CCDC102B: variants seen among roughly 807,000 people sequenced by gnomAD.
CCDC102B encodes the protein coiled-coil domain-containing protein 102B.
CCDC102B carries 75 observed loss-of-function variants against 57.4 expected under a neutral mutation model. The ratio of observed to expected loss-of-function variants is 1.31; its 90% confidence interval spans 1.08 to 1.58. The LOEUF is 1.58. Among genes scored for constraint, CCDC102B ranks in the 40% most tolerant of loss-of-function variants. The pLI, the probability that CCDC102B is intolerant of heterozygous loss-of-function variation, is 0.00. For synonymous variants in CCDC102B, 206 were observed against 201.9 expected, an observed-to-expected ratio of 1.02 and a Z score of -0.17; for missense variants, 636 against 582.6, an observed-to-expected ratio of 1.09 and a Z score of -0.94.
At chr18:68,789,622 T>A (rs879550345) in intron 2 of CCDC102B, among the ~76,000 whole-genome samples, 5 of 146,242 alleles carry the variant, frequency 3.4e-5, no homozygotes, top group African/African-American at 1.3e-4. Context: ...TTGATCGCAT[T>A]GGCTCCTGAG....
upstream of CCDC102B, among the ~76,000 whole-genome samples, chr18:68,797,303 TTTTGCTAC>T (rs2035664406): frequency 6.6e-6 from 1 of 152,152 alleles, no homozygotes; most frequent in Non-Finnish European, 1.5e-5. Context: ...AATGTTGTTT[TTTTGCTAC>T]TTAAAAGGAG....
At chr18:68,881,779 A>G (rs1599627840) in intron 5 of CCDC102B, among the ~76,000 whole-genome samples, 1 of 152,006 alleles carries the variant, frequency 6.6e-6, no homozygotes, top group South Asian at 2.1e-4. Context: ...CTTATAATTT[A>G]TCTCTCCCAT....
intron 7 of CCDC102B, among the ~76,000 whole-genome samples, chr18:69,026,575 A>T (rs2051999922): frequency 6.7e-6 from 1 of 150,122 alleles, no homozygotes; most frequent in Non-Finnish European, 1.5e-5. Context: ...GAGGATCAAC[A>T]AAAGCCCAGA....
chr18:68,920,500 A>G (rs145675107), intron 6 of CCDC102B, among the ~76,000 whole-genome samples: 2,747 of 152,268 alleles, frequency 0.018, 34 homozygotes, highest in African/African-American at 0.027. Flanking sequence ...ACTGGGAAGA[A>G]AAAGACGTTT....
chr18:68,901,691 C>CA (rs2040459774), intron 6 of CCDC102B, among the ~76,000 whole-genome samples: 1 of 152,166 alleles, frequency 6.6e-6, no homozygotes, highest in East Asian at 1.9e-4. Flanking sequence ...TGCAAATTCT[C>CA]AGAGTGCCCC....
intron 1 of CCDC102B, among the ~76,000 whole-genome samples, chr18:68,809,059 A>G (rs1411457566): frequency 2.0e-5 from 3 of 152,226 alleles, no homozygotes; most frequent in African/African-American, 7.2e-5. Flanking sequence ...GGGAAGTTTC[A>G]TGTTCACTAA....
intron 6 of CCDC102B, among the ~76,000 whole-genome samples, chr18:68,927,070 GA>G (rs1568334873): frequency 2.0e-5 from 3 of 151,882 alleles, no homozygotes; most frequent in Non-Finnish European, 4.4e-5. Flanking sequence ...ATTCTACCTG[GA>G]AATATTTGAG....
chr18:69,028,427 C>T (rs937825032), intron 7 of CCDC102B, among the ~76,000 whole-genome samples: 11 of 151,968 alleles, frequency 7.2e-5, no homozygotes, highest in African/African-American at 2.7e-4. Context: ...GCCTTGAAAA[C>T]CATGTTGGGG....
chr18:68,858,195 G>C (rs142452909), intron 4 of CCDC102B, among the ~76,000 whole-genome samples: 1 of 152,260 alleles, frequency 6.6e-6, no homozygotes, highest in Non-Finnish European at 1.5e-5. Context: ...GCATTTTCTA[G>C]AATTGTATAA....
At chr18:68,907,331 G>T (rs1183629558) in intron 6 of CCDC102B, among the ~76,000 whole-genome samples, 1 of 150,222 alleles carries the variant, frequency 6.7e-6, no homozygotes, top group Non-Finnish European at 1.5e-5. Flanking sequence ...TTCCATTTTT[G>T]CAAATAAAAA....
chr18:68,888,414 CT>C (rs2144985046), intron 5 of CCDC102B, among the ~76,000 whole-genome samples: 1 of 152,150 alleles, frequency 6.6e-6, no homozygotes, highest in South Asian at 2.1e-4. Flanking sequence ...TAATGGTATC[CT>C]TTGTTCTTCT....
intron 2 of CCDC102B, among the ~76,000 whole-genome samples, chr18:68,766,559 T>TA (rs981118259): frequency 6.6e-6 from 1 of 152,238 alleles, no homozygotes; most frequent in African/African-American, 2.4e-5. Flanking sequence ...ATCATTCATT[T>TA]AGTCCTTAAT....
intron 6 of CCDC102B, among the ~76,000 whole-genome samples, chr18:68,984,518 C>T (rs1046354374): frequency 6.6e-6 from 1 of 152,086 alleles, no homozygotes; most frequent in Non-Finnish European, 1.5e-5. Flanking sequence ...ATGTCCTTCT[C>T]CCTAGAAACT....
intron 6 of CCDC102B, among the ~76,000 whole-genome samples, chr18:68,966,817 C>G (rs1468527654): frequency 6.6e-6 from 1 of 152,088 alleles, no homozygotes; most frequent in East Asian, 1.9e-4. Flanking sequence ...ATGGGCCTAG[C>G]ATGGATTCCT....
chr18:68,852,995 C>A (rs985621557), intron 4 of CCDC102B, among the ~76,000 whole-genome samples: 5 of 152,018 alleles, frequency 3.3e-5, no homozygotes, highest in Non-Finnish European at 7.4e-5. Flanking sequence ...GTGCAATTTT[C>A]GTAAGATAAT....
chr18:68,913,302 G>T (rs1481717982), intron 6 of CCDC102B, among the ~76,000 whole-genome samples: 1 of 127,236 alleles, frequency 7.9e-6, no homozygotes, highest in East Asian at 2.2e-4. Context: ...CCATTGGATG[G>T]TTAGTGTCTG....
At chr18:68,821,559 G>A (rs1341059208) in intron 1 of CCDC102B, among the ~76,000 whole-genome samples, 1 of 137,936 alleles carries the variant, frequency 7.2e-6, no homozygotes, top group Non-Finnish European at 1.5e-5. Context: ...TGTCCTATCT[G>A]GAAAGTTAGC....
chr18:68,741,726 A>G (rs957349900), intron 2 of CCDC102B, among the ~76,000 whole-genome samples: 1 of 151,444 alleles, frequency 6.6e-6, no homozygotes, highest in East Asian at 1.9e-4. Context: ...CCAAGACAAT[A>G]TAGAAAGGTT....
chr18:68,742,611 C>T (rs2033439667), intron 2 of CCDC102B, among the ~76,000 whole-genome samples: 1 of 152,136 alleles, frequency 6.6e-6, no homozygotes, highest in African/African-American at 2.4e-5. Flanking sequence ...TTTAATTGGT[C>T]ATGGGCCACT....
Sources: allele counts gnomAD v4.1 joint callset (sites outside exome capture counted in the v4.1 genomes callset), GRCh38; gene constraint gnomAD v4.1.1; transcripts MANE v1.5; gene names NCBI Gene and HGNC (gene_info 2026-07-23, HGNC 2026-07-21).